Variants in NCKAP5 observed in about 807,000 individuals in gnomAD.
NCKAP5 encodes NCK associated protein 5, also known as nck-associated protein 5.
A neutral mutation model predicts 167.0 loss-of-function variants in NCKAP5; 92 were observed. The observed-to-expected ratio is 0.55, with a 90% CI of 0.47 to 0.66. The LOEUF is 0.66. Among genes scored for constraint, NCKAP5 ranks in the 30% least tolerant of loss-of-function variants. The probability of loss-of-function intolerance (pLI) is 0.00; values close to 1 mark genes in which losing one functional copy is unlikely to be tolerated. For synonymous variants in NCKAP5, 891 were observed against 877.4 expected (o/e 1.02, Z -0.27); for missense variants, 2,378 against 2,315.0 (o/e 1.03, Z -0.56).
chr2:132,971,319 T>C (rs890115525), intron 7 of NCKAP5, among the ~76,000 whole-genome samples: 1 of 151,998 alleles, frequency 6.6e-6, no homozygotes, highest in Non-Finnish European at 1.5e-5. Context: ...ATAACCACGA[T>C]GTGAGAAGAG....
intron 11 of NCKAP5, among the ~76,000 whole-genome samples, chr2:132,857,333 A>G (rs80124327): frequency 2.6e-5 from 4 of 152,172 alleles, no homozygotes; most frequent in African/African-American, 9.7e-5. Flanking sequence ...CCCACAATTT[A>G]TTTTTATAGT....
At chr2:133,203,097 T>G (rs2085776186) in intron 5 of NCKAP5, among the ~76,000 whole-genome samples, 1 of 152,156 alleles carries the variant, frequency 6.6e-6, no homozygotes, top group African/African-American at 2.4e-5. Context: ...ACACATATGT[T>G]TATTGCAGCA....
intron 3 of NCKAP5, among the ~76,000 whole-genome samples, chr2:133,342,666 A>T (rs949925730): frequency 3.9e-5 from 6 of 152,172 alleles, no homozygotes; most frequent in African/African-American, 1.4e-4. Flanking sequence ...CACTGTGTAT[A>T]TGCAAGGTGG....
intron 3 of NCKAP5, among the ~76,000 whole-genome samples, chr2:133,378,529 G>A (rs1686307937): frequency 6.6e-6 from 1 of 152,148 alleles, no homozygotes; most frequent in South Asian, 2.1e-4. Flanking sequence ...GCAAACCTCA[G>A]GTGGGGTGTG....
At position 133,512,422 on chromosome 2, in the gene NCKAP5, G is replaced by A. The variant is rs80258734; in HGVS notation, c.69+5036C>T. On this transcript the variant is annotated intron_variant, in intron 3 of 19. Coordinates refer to ENST00000409261, the MANE Select transcript of NCKAP5 (RefSeq NM_207363.3). ...AAATTCCCATTGCTCTAATGCATGC[G>A]GATAGCCATTACAATCCAGCCTAGT... Among the ~76,000 whole-genome samples the A allele has an allele frequency of 1.9e-3, 294 of 152,240 alleles. 1 individual carries two copies. In the East Asian group the frequency reaches 0.023, roughly 12 times the overall value.
At chr2:133,082,233 A>T (rs1384848236) in intron 6 of NCKAP5, among the ~76,000 whole-genome samples, 1 of 152,098 alleles carries the variant, frequency 6.6e-6, no homozygotes, top group East Asian at 1.9e-4. Flanking sequence ...CAAAAATGCC[A>T]CCACAGCATT....
intron 5 of NCKAP5, among the ~76,000 whole-genome samples, chr2:133,177,645 G>A (rs1219059016): frequency 6.6e-6 from 1 of 152,140 alleles, no homozygotes; most frequent in Admixed American, 6.5e-5. Flanking sequence ...TCCTACACCA[G>A]ATATTTTCTA....
intron 6 of NCKAP5, among the ~76,000 whole-genome samples, chr2:133,087,989 C>T (rs2081049329): frequency 6.6e-6 from 1 of 152,146 alleles, no homozygotes. Context: ...TAAATGACTA[C>T]TCATAAGTTG....
chr2:132,784,251 C>A lies in NCKAP5; in HGVS notation c.2560G>T (p.Gly854Trp), dbSNP rs761576192. Residue 854 changes from glycine to tryptophan, a missense_variant, in exon 14 of 20, where the codon GGG becomes TGG. Physicochemically the swap from Gly to Trp is radical, Grantham distance 184. Transcript: ENST00000409261. ...LSRFMKTESS[G>W]PLFELRSDPH... The stretch of plus-strand genomic sequence containing the variant: ...TCTGATCGTAATTCAAAGAGGGGCC[C>A]TGAGCTCTCAGTCTTCATGAATCGT... 81 of 1,607,076 alleles carry A rather than the reference C, an allele frequency of 5.0e-5. No homozygotes were observed. The highest frequency in any genetic ancestry group is 6.8e-5 in the Non-Finnish European group (80 of 1,177,548).
intron 6 of NCKAP5, among the ~76,000 whole-genome samples, chr2:133,111,617 C>A (rs2149717619): frequency 6.6e-6 from 1 of 152,292 alleles, no homozygotes; most frequent in African/African-American, 2.4e-5. Flanking sequence ...CTCTCATAGC[C>A]CTCTGCCATG....
chr2:133,012,673 C>G (rs1392740429), intron 6 of NCKAP5, among the ~76,000 whole-genome samples: 1 of 152,144 alleles, frequency 6.6e-6, no homozygotes, highest in Non-Finnish European at 1.5e-5. Context: ...TGACTGCCTT[C>G]TCCAGAGTCT....
the NCKAP5 span, among the ~76,000 whole-genome samples, chr2:133,659,323 C>T: frequency 6.6e-6 from 1 of 152,218 alleles, no homozygotes; most frequent in Non-Finnish European, 1.5e-5. Flanking sequence ...CTACCTCACA[C>T]CATCTACAAA....
chr2:132,753,600 T>C (rs1230223151), intron 16 of NCKAP5, among the ~76,000 whole-genome samples: 1 of 152,202 alleles, frequency 6.6e-6, no homozygotes, highest in Non-Finnish European at 1.5e-5. Context: ...CACATTCTTA[T>C]TATATGGTGT....
chr2:132,771,926 C>G (rs192019966), intron 16 of NCKAP5, among the ~76,000 whole-genome samples: 3 of 148,512 alleles, frequency 2.0e-5, no homozygotes, highest in Middle Eastern at 3.5e-3. Flanking sequence ...CTCCTGACCT[C>G]GTGATCCACC....
At chr2:132,809,525 CTT>C (rs34353467) in intron 11 of NCKAP5, among the ~76,000 whole-genome samples, 65,886 of 151,792 alleles carry the variant, frequency 0.43, 16,939 homozygotes, top group African/African-American at 0.71. Context: ...TAATGTCTCT[CTT>C]TGTCTCTTTT....
chr2:133,271,725 G>C (rs568453052), intron 4 of NCKAP5, among the ~76,000 whole-genome samples: 1 of 152,246 alleles, frequency 6.6e-6, no homozygotes, highest in South Asian at 2.1e-4. Context: ...AGCTATAAAA[G>C]ACATTTGGGA....
At chr2:133,042,006 A>G (rs185591600) in intron 6 of NCKAP5, among the ~76,000 whole-genome samples, 2 of 152,156 alleles carry the variant, frequency 1.3e-5, no homozygotes, top group Admixed American at 6.6e-5. Flanking sequence ...TGAGAATGCT[A>G]TCTTGAATAG....
the NCKAP5 span, among the ~76,000 whole-genome samples, chr2:133,578,114 C>T: frequency 6.6e-6 from 1 of 152,174 alleles, no homozygotes; most frequent in Non-Finnish European, 1.5e-5. Context: ...ATACTAGTTG[C>T]CTAACACCAT....
intron 8 of NCKAP5, among the ~76,000 whole-genome samples, chr2:132,939,401 G>A (rs947867314): frequency 1.4e-4 from 22 of 152,136 alleles, no homozygotes; most frequent in African/African-American, 5.1e-4. Context: ...CTGATAATAC[G>A]ATGGGTAGGG....
Sources: gnomAD v4.1 joint callset for allele counts (sites outside exome capture counted in the v4.1 genomes callset) on GRCh38, gnomAD v4.1.1 for gene constraint, MANE v1.5 for transcripts, NCBI Gene and HGNC (gene_info 2026-07-23, HGNC 2026-07-21) for gene names.